The following MPV17 variants were observed in gnomAD, a reference collection of about 807,000 sequenced individuals.
The protein encoded by MPV17 is mitochondrial inner membrane protein MPV17.
A neutral mutation model predicts 28.6 loss-of-function variants in MPV17; 31 were observed. The observed-to-expected ratio is 1.08, with a 90% CI of 0.81 to 1.46. The LOEUF (loss-of-function observed/expected upper bound fraction) is 1.46. Among genes scored for constraint, MPV17 ranks in the 40% most tolerant of loss-of-function variants. MPV17 has a pLI of 0.00. For synonymous variants in MPV17, 87 were observed against 85.3 expected (o/e 1.02, Z -0.11); for missense variants, 198 against 216.2 (o/e 0.92, Z 0.53).
chr2:27,310,622 T>C (rs964310717), intron 7 of MPV17, among the ~76,000 whole-genome samples: 1 of 152,258 alleles, frequency 6.6e-6, no homozygotes, highest in Non-Finnish European at 1.5e-5. Context: ...TCTTCCGAAA[T>C]GTACGGACTA....
chr2:27,321,829 A>G (rs557215937), intron 2 of MPV17: 2 of 155,508 alleles, frequency 1.3e-5, no homozygotes, highest in Admixed American at 1.2e-4. Context: ...GCAGTAAATG[A>G]TAACAAAAGC....
chr2:27,313,740 TCTCA>T (rs1201881469), intron 2 of MPV17, among the ~76,000 whole-genome samples: 2 of 152,004 alleles, frequency 1.3e-5, no homozygotes, highest in Non-Finnish European at 1.5e-5. Flanking sequence ...AAAGACTGAG[TCTCA>T]CTCTGTTGTC....
intron 2 of MPV17, among the ~76,000 whole-genome samples, chr2:27,314,907 CCT>C (rs1679594605): frequency 6.6e-6 from 1 of 152,320 alleles, no homozygotes; most frequent in Admixed American, 6.5e-5. Flanking sequence ...CGGCCCTGCC[CCT>C]GAGCAGCCTA....
intron 2 of MPV17, among the ~76,000 whole-genome samples, chr2:27,316,451 G>T (rs186365722): frequency 6.6e-6 from 1 of 152,314 alleles, no homozygotes; most frequent in East Asian, 1.9e-4. Flanking sequence ...CATTTCAGAA[G>T]AGTGGTGCCC....
chr2:27,310,756 T>A (rs928450293), intron 7 of MPV17, among the ~76,000 whole-genome samples: 5 of 152,176 alleles, frequency 3.3e-5, no homozygotes, highest in African/African-American at 1.2e-4. Context: ...TTTTTCGGGT[T>A]TTTTTTGAGA....
chr2:27,315,435 C>G (rs1471305352), intron 2 of MPV17, among the ~76,000 whole-genome samples: 1 of 152,206 alleles, frequency 6.6e-6, no homozygotes, highest in Non-Finnish European at 1.5e-5. Context: ...GCAGTCCTTT[C>G]TCAAATGAAG....
intron 2 of MPV17, among the ~76,000 whole-genome samples, chr2:27,318,442 C>T (rs1435188870): frequency 1.3e-5 from 2 of 151,934 alleles, no homozygotes; most frequent in Admixed American, 1.3e-4. Context: ...ATTGCAACCT[C>T]TACTTCCTGG....
intron 2 of MPV17, 58 bp downstream of exon 2, chr2:27,322,390 C>G (rs1200884556): frequency 6.2e-6 from 9 of 1,455,322 alleles, no homozygotes; most frequent in Non-Finnish European, 7.7e-6. Flanking sequence ...GTGGGGCAAG[C>G]CTCTGGCTTC....
chr2:27,312,457 G>A (rs368819139), intron 5 of MPV17, 37 bp downstream of exon 5: 29 of 1,603,104 alleles, frequency 1.8e-5, no homozygotes, highest in African/African-American at 1.6e-4. Context: ...CTGTCAGCCC[G>A]CCAGCCAGAG....
At chr2:27,311,543 G>A (rs1679439031) in intron 7 of MPV17, 1 of 1,514,012 alleles carries the variant, frequency 6.6e-7, no homozygotes, top group Non-Finnish European at 9.0e-7. Context: ...GTCTGACCAG[G>A]CTCCTACTTG....
At chr2:27,322,729 A>T (rs998004005) in intron 1 of MPV17, among the ~76,000 whole-genome samples, 2 of 152,176 alleles carry the variant, frequency 1.3e-5, no homozygotes, top group African/African-American at 4.8e-5. Flanking sequence ...AGGCTGTGGG[A>T]AGCTATGGAC....
rs998001835 is a variant in MPV17, at chr2:27,316,234, C to T, written c.71-3125G>A. On this transcript the variant is annotated intron_variant, in intron 2 of 7. Transcript: ENST00000380044. Reference sequence around the variant, plus strand: ...TGTGTTTTCACTCTTCATGACTTGCCAACAGTCACACAACAAGCTAGAGGC... The same window carrying T: ...TGTGTTTTCACTCTTCATGACTTGCTAACAGTCACACAACAAGCTAGAGGC... The T allele has an allele frequency of 4.5e-6, 7 of 1,545,698 alleles. No individual in the cohort carries two copies. In the African/African-American group the frequency reaches 8.2e-5, roughly 18 times the overall value.
chr2:27,312,795 AGCAGGCT>A, intron 3 of MPV17, 23 bp from the exon 4 acceptor site: 1 of 1,612,616 alleles, frequency 6.2e-7, no homozygotes, highest in Non-Finnish European at 8.5e-7. Context: ...CCCAGATAGC[AGCAGGCT>A]GCAGTGAGGG....
At chr2:27,314,339 TA>T (rs1277790402) in intron 2 of MPV17, among the ~76,000 whole-genome samples, 9 of 151,786 alleles carry the variant, frequency 5.9e-5, no homozygotes, top group Non-Finnish European at 1.3e-4. Flanking sequence ...AAAAAAAAAG[TA>T]ATAAAACAAG....
intron 3 of MPV17, 39 bp from the exon 4 acceptor site, chr2:27,312,811 G>A (rs776457056): frequency 1.9e-6 from 3 of 1,603,446 alleles, no homozygotes; most frequent in Non-Finnish European, 2.6e-6. Context: ...CTGCAGTGAG[G>A]GAGCCCTAGG....
intron 2 of MPV17, among the ~76,000 whole-genome samples, chr2:27,320,063 C>T (rs568297801): frequency 6.6e-6 from 1 of 151,702 alleles, no homozygotes; most frequent in South Asian, 2.1e-4. Context: ...TGGTGAAATC[C>T]CGTCTCTACT....
chr2:27,315,950 A>T (rs909142150), intron 2 of MPV17: 1 of 1,461,684 alleles, frequency 6.8e-7, no homozygotes. Flanking sequence ...TCTCTCAAGG[A>T]GGACCAAGGA....
chr2:27,311,876 G>T, intron 7 of MPV17, 23 bp downstream of exon 7: 1 of 1,612,788 alleles, frequency 6.2e-7, no homozygotes, highest in Non-Finnish European at 8.5e-7. Flanking sequence ...TTCCTTGATG[G>T]GTGGGGTAGG....
rs767174691 is a variant in MPV17 at position 27,322,432 on chromosome 2, C to T, written c.70+16G>A. 39 of 1,611,394 alleles carry T rather than the reference C, an allele frequency of 2.4e-5. No homozygotes were observed. Among genetic ancestry groups the T allele is most frequent in the Admixed American group, 5.0e-5 (3 of 60,008 alleles). ...AGTCTGCCCTGGTCCCACTCAAGTCCTAGAGGGACACTCACCAGCTGTCAG... is the reference window on the plus strand; with the variant it reads ...AGTCTGCCCTGGTCCCACTCAAGTCTTAGAGGGACACTCACCAGCTGTCAG... On this transcript the variant is annotated intron_variant, in intron 2 of 7. Transcript: ENST00000380044.
Sources: gnomAD v4.1 joint callset for allele counts (sites outside exome capture counted in the v4.1 genomes callset) on GRCh38, gnomAD v4.1.1 for gene constraint, MANE v1.5 for transcripts, NCBI Gene and HGNC (gene_info 2026-07-23, HGNC 2026-07-21) for gene names.